The following DDX31 variants were observed in gnomAD, a reference collection of about 807,000 sequenced individuals.
The protein encoded by DDX31 is ATP-dependent DNA helicase DDX31.
DDX31 carries 70 observed loss-of-function variants against 91.3 expected under a neutral mutation model. The ratio of observed to expected loss-of-function variants is 0.77; its 90% confidence interval spans 0.63 to 0.94. The LOEUF is 0.94. DDX31 is among the 40% of genes least tolerant of loss of function. The probability of loss-of-function intolerance (pLI) is 0.00; values close to 1 mark genes in which losing one functional copy is unlikely to be tolerated. For synonymous variants in DDX31, 362 were observed against 350.6 expected (o/e 1.03, Z -0.36); for missense variants, 902 against 925.0 (o/e 0.98, Z 0.32).
intron 18 of DDX31, among the ~76,000 whole-genome samples, chr9:132,615,471 T>G (rs908137206): frequency 5.9e-5 from 9 of 152,010 alleles, no homozygotes; most frequent in Non-Finnish European, 1.5e-5. Context: ...GGTTCCCTGC[T>G]GTTCTCTTCA....
Position 132,669,728 on chromosome 9 carries a change from C to A in DDX31, c.75+132G>T, listed in dbSNP as rs576260182. 4.6e-5 allele frequency: 71 copies of A among 1,531,158 alleles called. No individual in the cohort carries two copies. The East Asian group carries it at 1.4e-3, about 31-fold the overall frequency. The allele number at this position is 1,531,158 out of a possible 1,614,324, so 94.8% of individuals were successfully genotyped here. A position where few individuals can be genotyped will look rare whatever the true frequency, so the allele number is the denominator to read the frequency against. On this transcript the variant is annotated intron_variant, in intron 1 of 19. Coordinates refer to ENST00000372159, the MANE Select transcript of DDX31 (RefSeq NM_022779.9). The stretch of plus-strand genomic sequence containing the variant: ...TGTTTCGGCGCAACTTGTCCCGAAG[C>A]TGCCCGGTGTCTTTCTCCCGCTTAA...
Position 132,594,386 on chromosome 9 carries a change from TTC to T in DDX31, c.*478_*479del, listed in dbSNP as rs1316561689. 2 of 155,050 alleles carry T rather than the reference TTC, an allele frequency of 1.3e-5. No homozygotes were observed. Among genetic ancestry groups the T allele is most frequent in the African/African-American group, 2.4e-5 (1 of 41,500 alleles). The allele number at this position is 155,050 out of a possible 1,614,324, so 9.6% of individuals were successfully genotyped here. A position where few individuals can be genotyped will look rare whatever the true frequency, so the allele number is the denominator to read the frequency against. On this transcript the variant is annotated 3_prime_UTR_variant, in exon 20 of 20. Coordinates refer to ENST00000372159, the MANE Select transcript of DDX31 (RefSeq NM_022779.9). ...AAGAAAATAATTAGTGATAAATATA[TTC>T]TCTTTTTGTACAAATTCAATTCCAG...
chr9:132,668,225 G>C (rs1283386643), intron 1 of DDX31, among the ~76,000 whole-genome samples: 2 of 152,124 alleles, frequency 1.3e-5, no homozygotes, highest in Non-Finnish European at 2.9e-5. Flanking sequence ...TTTTCTAAGA[G>C]ACAAATCAAC....
At chr9:132,651,887 G>A (rs2130794425) in intron 7 of DDX31, among the ~76,000 whole-genome samples, 1 of 152,274 alleles carries the variant, frequency 6.6e-6, no homozygotes, top group East Asian at 1.9e-4. Flanking sequence ...TATATGAAAA[G>A]CTGACTTCAA....
At chr9:132,605,661 G>A (rs932667365) in intron 19 of DDX31, among the ~76,000 whole-genome samples, 6 of 152,200 alleles carry the variant, frequency 3.9e-5, no homozygotes, top group East Asian at 3.9e-4. Flanking sequence ...GGGCAGAGAC[G>A]TGAGGGTGTC....
In DDX31 at chr9:132,642,177, A is replaced by T. The variant is rs1433035587; in HGVS notation, c.1381-114T>A. ...TACTGCTAGAGCTATTTTCAGGCAC[A>T]GAGAGGTTTGCCAGGAAAGAGGAAG... On this transcript the variant is annotated intron_variant, in intron 13 of 19. Transcript: ENST00000372159. The T allele has an allele frequency of 3.2e-6, 3 of 926,870 alleles. No homozygotes were observed. The East Asian group carries it at 7.8e-5, about 24-fold the overall frequency. The allele number at this position is 926,870 out of a possible 1,614,324, so 57.4% of individuals were successfully genotyped here.
chr9:132,612,152 T>G lies in DDX31; in HGVS notation c.1929A>C (p.Gly643=). The G allele has an allele frequency of 6.2e-7, 1 of 1,614,158 alleles. No homozygotes were observed. Residue 643 remains glycine, a synonymous_variant, in exon 19 of 20, where the codon GGA becomes GGC. Coordinates refer to ENST00000372159, the MANE Select transcript of DDX31 (RefSeq NM_022779.9). Reference sequence around the variant, plus strand: ...TAAGATTCCTGGGGGCATCTCTTAGTCCGAAGCTCTTCGCCACATGCCCAA... The same window carrying G: ...TAAGATTCCTGGGGGCATCTCTTAGGCCGAAGCTCTTCGCCACATGCCCAA... ...LHLGHVAKSF[G]LRDAPRNLSA...
chr9:132,642,194 A>G, intron 13 of DDX31, 131 bp from the exon 14 acceptor site: 1 of 780,138 alleles, frequency 1.3e-6, no homozygotes, highest in Non-Finnish European at 2.1e-6. Flanking sequence ...TTTGCCAGGA[A>G]AGAGGAAGAA....
At chr9:132,601,457 A>C (rs1830716828) in intron 19 of DDX31, among the ~76,000 whole-genome samples, 1 of 152,174 alleles carries the variant, frequency 6.6e-6, no homozygotes, top group South Asian at 2.1e-4. Flanking sequence ...CCTCTGTAAA[A>C]CAGGGATAAC....
intron 18 of DDX31, among the ~76,000 whole-genome samples, chr9:132,617,445 T>G (rs1050142557): frequency 2.0e-5 from 3 of 152,052 alleles, no homozygotes; most frequent in Non-Finnish European, 4.4e-5. Flanking sequence ...AGGATTTTTG[T>G]TTTGATCTCG....
In DDX31 at chr9:132,646,820, C is replaced by A; in HGVS notation, c.1203+3G>T. The A allele has an allele frequency of 6.2e-7, 1 of 1,613,748 alleles. No homozygotes were observed. Among genetic ancestry groups the A allele is most frequent in the Non-Finnish European group, 8.5e-7 (1 of 1,179,866 alleles). ...TCAAGTCGGCTCTAGCCCACAGTCC[C>A]ACCTTGCATTTCTGAAGGATGAAGG... On this transcript the variant is annotated splice_donor_region_variant and intron_variant, in intron 12 of 19. Coordinates refer to ENST00000372159, the MANE Select transcript of DDX31 (RefSeq NM_022779.9).
rs544027035 is a variant in DDX31 at position 132,648,565 on chromosome 9, T to C, written c.741-14A>G. The C allele has an allele frequency of 1.9e-6, 3 of 1,598,076 alleles. No homozygotes were observed. The highest frequency in any genetic ancestry group is 1.1e-5 in the South Asian group (1 of 88,092). On this transcript the variant is annotated splice_polypyrimidine_tract_variant and intron_variant, in intron 9 of 19. Coordinates refer to ENST00000372159, the MANE Select transcript of DDX31 (RefSeq NM_022779.9). The stretch of plus-strand genomic sequence containing the variant: ...CCTTTGCGGAGTCTGTTTAAAATTA[T>C]ATATCATAAAAGAAAGTAAATCAAA...
chr9:132,627,296 T>C (rs1255187917), intron 16 of DDX31, among the ~76,000 whole-genome samples: 2 of 152,174 alleles, frequency 1.3e-5, no homozygotes, highest in Admixed American at 1.3e-4. Flanking sequence ...TCATATGCTG[T>C]GTCCACATGG....
chr9:132,630,377 T>C lies in DDX31; in HGVS notation c.1518A>G (p.Glu506=), dbSNP rs143275845. The change falls in exon 16 of 20, where the codon GAA becomes GAG. Residue 506 remains glutamate, a synonymous_variant. Coordinates refer to ENST00000372159, the MANE Select transcript of DDX31 (RefSeq NM_022779.9). ...VQYNAPSSPA[E]YIHRIGRTAR... is the part of the protein sequence containing the mutation. ...CGGTTCTTCCAATCCGGTGGATGTATTCTGCAGGTGAAGATGGAGCGTTGT... is the reference window on the plus strand; with the variant it reads ...CGGTTCTTCCAATCCGGTGGATGTACTCTGCAGGTGAAGATGGAGCGTTGT... 293 of 1,602,178 alleles carry C rather than the reference T, an allele frequency of 1.8e-4. 1 individual carries two copies. Among genetic ancestry groups the C allele is most frequent in the Non-Finnish European group, 2.3e-4 (270 of 1,170,470 alleles).
intron 11 of DDX31, 89 bp from the exon 12 acceptor site, chr9:132,647,147 G>T: frequency 1.7e-6 from 2 of 1,199,532 alleles, no homozygotes; most frequent in Non-Finnish European, 2.4e-6. Flanking sequence ...ACCCACCCAT[G>T]TATGTTAGGA....
chr9:132,669,665 G>A lies in DDX31; in HGVS notation c.75+195C>T, dbSNP rs147410990. 27 of 1,532,980 alleles carry A rather than the reference G, an allele frequency of 1.8e-5. No homozygotes were observed. In the African/African-American group the frequency reaches 2.7e-4, roughly 16 times the overall value. The allele number at this position is 1,532,980 out of a possible 1,614,324, so 95.0% of individuals were successfully genotyped here. A position where few individuals can be genotyped will look rare whatever the true frequency, so the allele number is the denominator to read the frequency against. ...CACACCGCTCCACTCCCCGCTTCCA[G>A]GCGCATCCCTGCGGGTGGTGTTCCG... On this transcript the variant is annotated intron_variant, in intron 1 of 19. Transcript: ENST00000372159.
rs769481918 is a variant in DDX31 at position 132,646,824 on chromosome 9, T to C, written c.1202A>G (p.Lys401Arg). Residue 401 changes from lysine to arginine, a missense_variant and splice_region_variant, in exon 12 of 20, where the codon AAG becomes AGG. Lys to Arg is a conservative substitution (Grantham distance 26). Transcript: ENST00000372159. ...GTCGGCTCTAGCCCACAGTCCCACCTTGCATTTCTGAAGGATGAAGGCCGC... is the reference window on the plus strand; with the variant it reads ...GTCGGCTCTAGCCCACAGTCCCACCCTGCATTTCTGAAGGATGAAGGCCGC... ...CLAAFILQKC[K>R]FEEDQKMVVF... The C allele has an allele frequency of 1.2e-6, 2 of 1,613,786 alleles. No individual in the cohort carries two copies. The highest frequency in any genetic ancestry group is 1.7e-6 in the Non-Finnish European group (2 of 1,179,888).
chr9:132,638,105 G>A (rs1833240138), intron 14 of DDX31: 6 of 1,363,538 alleles, frequency 4.4e-6, no homozygotes, highest in Non-Finnish European at 5.7e-6. Flanking sequence ...GGACAGCCAA[G>A]GAGGATGCCA....
intron 1 of DDX31, among the ~76,000 whole-genome samples, chr9:132,668,223 G>T (rs556248910): frequency 2.2e-4 from 33 of 152,232 alleles, no homozygotes; most frequent in African/African-American, 7.7e-4. Context: ...TCTTTTCTAA[G>T]AGACAAATCA....
Sources: gnomAD v4.1 joint callset for allele counts (sites outside exome capture counted in the v4.1 genomes callset) on GRCh38, gnomAD v4.1.1 for gene constraint, MANE v1.5 for transcripts, NCBI Gene and HGNC (gene_info 2026-07-23, HGNC 2026-07-21) for gene names.